Variants in VPS13C observed in about 807,000 individuals in gnomAD.
The protein encoded by VPS13C is vacuolar protein sorting 13 homolog C, also known as intermembrane lipid transfer protein VPS13C.
A neutral mutation model predicts 456.8 loss-of-function variants in VPS13C; 358 were observed. That is an observed-to-expected ratio of 0.78 (90% CI 0.72 to 0.86). VPS13C has a LOEUF of 0.86. Ranked by LOEUF, VPS13C falls within the 40% of genes least tolerant of loss-of-function variation. VPS13C has a pLI of 0.00. For missense variants in VPS13C, 4,818 were observed against 4,385.4 expected (o/e 1.10, Z -2.79); for synonymous variants, 1,578 against 1,486.7 (o/e 1.06, Z -1.41).
chr15:62,012,429 A>T (rs2047078256), intron 11 of VPS13C, among the ~76,000 whole-genome samples: 1 of 151,978 alleles, frequency 6.6e-6, no homozygotes, highest in Admixed American at 6.6e-5. Context: ...AAAAATGTAC[A>T]TATATGTATA....
chr15:61,993,189 T>C (rs2046278983), intron 16 of VPS13C, among the ~76,000 whole-genome samples: 1 of 152,130 alleles, frequency 6.6e-6, no homozygotes, highest in Non-Finnish European at 1.5e-5. Flanking sequence ...TTTTTACAAA[T>C]CTAAAAGCAG....
At position 61,936,819 on chromosome 15, in the gene VPS13C, G is replaced by C. The variant is rs553205669; in HGVS notation, c.5602-69C>G. The C allele has an allele frequency of 8.4e-6, 12 of 1,430,382 alleles. No individual in the cohort carries two copies. The African/African-American group carries it at 1.3e-4, about 15-fold the overall frequency. 88.6% of individuals were successfully genotyped at this position (1,430,382 alleles called of 1,614,324 possible). A position where few individuals can be genotyped will look rare whatever the true frequency, so the allele number is the denominator to read the frequency against. ...ATGTAGACTATCATATCTATATCTC[G>C]ATTTGTGGTTTTTCAAATTAATTGT... On this transcript the variant is annotated intron_variant, in intron 47 of 84. Transcript: ENST00000644861.
chr15:61,866,086 A>G (rs975934075), intron 81 of VPS13C: 1 of 984,866 alleles, frequency 1.0e-6, no homozygotes, highest in African/African-American at 1.7e-5. Context: ...TATCCAGTAC[A>G]GTCTAAATAA....
intron 53 of VPS13C, among the ~76,000 whole-genome samples, chr15:61,923,861 C>CATTTTTTTTTT: frequency 1.3e-5 from 1 of 75,146 alleles, no homozygotes; most frequent in African/African-American, 5.7e-5. Context: ...CCCTCTAAAT[C>CATTTTTTTTTT]TTTTTTTTTT....
At chr15:61,935,997 G>A (rs951443078) in intron 48 of VPS13C, among the ~76,000 whole-genome samples, 3 of 151,876 alleles carry the variant, frequency 2.0e-5, no homozygotes, top group Admixed American at 1.3e-4. Flanking sequence ...TCACATCAAT[G>A]GCTTTAAATT....
Position 61,913,378 on chromosome 15 carries a change from C to G in VPS13C, c.8483G>C (p.Ser2828Thr). ...LKISTSAWSS[S>T]FSLDTVGSYG... is the part of the protein sequence containing the mutation. Reference sequence around the variant, plus strand: ...ACTTCCCACTGTATCCAATGAGAAACTACTGGACCAGGCACTGGTTGAAAT... The same window carrying G: ...ACTTCCCACTGTATCCAATGAGAAAGTACTGGACCAGGCACTGGTTGAAAT... The change falls in exon 62 of 85, where the codon AGT becomes ACT. Residue 2828 changes from serine (S) to threonine (T), a missense_variant. Ser to Thr is a moderately conservative substitution (Grantham distance 58). This residue lies in a region of VPS13C where 4,552 missense variants were observed against 4,130.6 expected (regional missense o/e 1.10). Coordinates refer to ENST00000644861, the MANE Select transcript of VPS13C (RefSeq NM_020821.3). The G allele has an allele frequency of 6.2e-7, 1 of 1,614,100 alleles. No individual in the cohort carries two copies. The highest frequency in any genetic ancestry group is 8.5e-7 in the Non-Finnish European group (1 of 1,179,986).
In VPS13C at chr15:61,983,827, T is replaced by C. The variant is rs1208365964; in HGVS notation, c.1907A>G (p.Tyr636Cys). 5.0e-6 allele frequency: 8 copies of C among 1,613,702 alleles called. No individual in the cohort carries two copies. The highest frequency in any genetic ancestry group is 6.8e-6 in the Non-Finnish European group (8 of 1,179,934). ...IVQSQPVEVI[Y>C]DAKTVNAVVE... ...CTTTCTCCTTGCACTTACAGCATCA[T>C]AGATGACCTCCACAGGCTGGGACTG... Residue 636 changes from tyrosine (Y) to cysteine (C), a missense_variant, in exon 20 of 85, where the codon TAT (tyrosine) becomes TGT (cysteine). Tyr to Cys is a radical substitution (Grantham distance 194). Transcript: ENST00000644861.
Position 61,900,706 on chromosome 15 carries a change from T to C in VPS13C, c.9105+6558A>G, listed in dbSNP as rs1311375622. Among the ~76,000 whole-genome samples, 70 of 151,418 alleles carry C rather than the reference T, an allele frequency of 4.6e-4. 1 individual carries two copies. The highest frequency in any genetic ancestry group is 1.2e-4 in the Non-Finnish European group (8 of 67,886). On this transcript the variant is annotated intron_variant, in intron 66 of 84. Transcript: ENST00000644861. The stretch of plus-strand genomic sequence containing the variant: ...TGCCCAAGGTAATTTACAGATTCAA[T>C]GCCATCCCCATCAAGCTACCAATGC...
At position 61,854,247 on chromosome 15, in the gene VPS13C, C is replaced by T. The variant is rs977437594; in HGVS notation, c.*210G>A. The T allele has an allele frequency of 5.2e-6, 3 of 581,800 alleles. No individual in the cohort carries two copies. Among genetic ancestry groups the T allele is most frequent in the Middle Eastern group, 4.0e-4 (1 of 2,514 alleles). 36.0% of individuals were successfully genotyped at this position (581,800 alleles called of 1,614,324 possible). ...AGGGTCTGACCCATTTGGGTGGTGG[C>T]GTAGAAGTGGACTGCTAGCATATAC... On this transcript the variant is annotated 3_prime_UTR_variant, in exon 85 of 85. Transcript: ENST00000644861.
At chr15:61,899,792 G>T (rs983760440) in intron 66 of VPS13C, among the ~76,000 whole-genome samples, 1 of 151,892 alleles carries the variant, frequency 6.6e-6, no homozygotes, top group Admixed American at 6.6e-5. Context: ...TACCAAAGCT[G>T]GGCAGAGACA....
At chr15:61,887,649 C>G (rs1896367093) in intron 67 of VPS13C, among the ~76,000 whole-genome samples, 1 of 152,106 alleles carries the variant, frequency 6.6e-6, no homozygotes, top group Admixed American at 6.6e-5. Context: ...GGTGATTACA[C>G]CACTGCACTC....
Position 61,969,414 on chromosome 15 carries a change from ATCT to A in VPS13C, c.2793_2795del (p.Glu931del), listed in dbSNP as rs1211163592. On this transcript the variant is annotated inframe_deletion, in exon 28 of 85. Transcript: ENST00000644861. ...GAGTAACATTAAATACTAGAATTGT[ATCT>A]TCTTCTTTCTGCTGTTTAGTAAATT... 1 of 1,573,188 alleles carries A rather than the reference ATCT, an allele frequency of 6.4e-7. No homozygotes were observed. The highest frequency in any genetic ancestry group is 8.6e-7 in the Non-Finnish European group (1 of 1,158,426).
At chr15:61,939,863 G>A (rs374748326) in intron 47 of VPS13C, among the ~76,000 whole-genome samples, 1 of 151,870 alleles carries the variant, frequency 6.6e-6, no homozygotes, top group Non-Finnish European at 1.5e-5. Flanking sequence ...AGTGGATGGC[G>A]GGTGCCTGTA....
chr15:61,852,863 T>C lies in VPS13C; in HGVS notation c.*1594A>G, dbSNP rs1168159594. The C allele has an allele frequency of 6.6e-6, 1 of 152,176 alleles. No individual in the cohort carries two copies. The highest frequency in any genetic ancestry group is 1.5e-5 in the Non-Finnish European group (1 of 68,006). 9.4% of individuals were successfully genotyped at this position (152,176 alleles called of 1,614,324 possible). ...TTTTAGAATATACATTAAGTAACAC[T>C]AGTAAAATTTAAAGTTTTATGACCA... On this transcript the variant is annotated 3_prime_UTR_variant, in exon 85 of 85. Transcript: ENST00000644861.
chr15:61,951,630 C>A (rs1425265), intron 39 of VPS13C, among the ~76,000 whole-genome samples, 194 bp downstream of exon 39: 1 of 152,194 alleles, frequency 6.6e-6, no homozygotes, highest in Non-Finnish European at 1.5e-5. Context: ...TAAAACATCA[C>A]ATTTCCTAAT....
chr15:62,029,763 C>T (rs1405605005), intron 5 of VPS13C, among the ~76,000 whole-genome samples: 1 of 152,012 alleles, frequency 6.6e-6, no homozygotes, highest in African/African-American at 2.4e-5. Flanking sequence ...AGCCTGGAAG[C>T]TAGAAAACAT....
chr15:61,913,767 TAA>T (rs1773993967), intron 61 of VPS13C, among the ~76,000 whole-genome samples: 1 of 152,200 alleles, frequency 6.6e-6, no homozygotes, highest in Admixed American at 6.5e-5. Context: ...AACAAATTTT[TAA>T]AGTCTTAGCA....
intron 68 of VPS13C, among the ~76,000 whole-genome samples, chr15:61,883,287 T>G (rs908401478): frequency 6.6e-5 from 10 of 151,722 alleles, no homozygotes; most frequent in African/African-American, 2.2e-4. Context: ...TCCTCCTGCC[T>G]CAGCCTCCTA....
At chr15:61,888,768 T>C (rs570626914) in intron 67 of VPS13C, among the ~76,000 whole-genome samples, 11 of 152,282 alleles carry the variant, frequency 7.2e-5, no homozygotes, top group African/African-American at 2.6e-4. Context: ...TATATAATAC[T>C]GTAATGGTGA....
Sources: allele counts gnomAD v4.1 joint callset (sites outside exome capture counted in the v4.1 genomes callset), GRCh38; gene constraint gnomAD v4.1.1; regional missense constraint gnomAD v4.1.1; transcripts MANE v1.5; gene names NCBI Gene and HGNC (gene_info 2026-07-23, HGNC 2026-07-21).